SIRT3: variants seen among roughly 807,000 people sequenced by gnomAD.
SIRT3 encodes sirtuin 3.
SIRT3 carries 26 observed loss-of-function variants against 33.5 expected under a neutral mutation model. That is an observed-to-expected ratio of 0.78 (90% CI 0.57 to 1.08). The LOEUF is 1.08. Among genes scored for constraint, SIRT3 ranks in the 50% least tolerant of loss-of-function variants. The pLI is 0.00. For synonymous variants in SIRT3, 237 were observed against 222.1 expected (o/e 1.07, Z -0.60); for missense variants, 585 against 530.1 (o/e 1.10, Z -1.02).
intron 1 of SIRT3, 32 bp from the exon 2 acceptor site, chr11:233,566 CAGAT>C (rs758165244): frequency 5.3e-4 from 857 of 1,607,520 alleles, no homozygotes; most frequent in Non-Finnish European, 6.7e-4. Flanking sequence ...GCAAAGGAAA[CAGAT>C]AGCAACCAAT....
In SIRT3 at chr11:218,860, C is replaced by G; in HGVS notation, c.1151G>C (p.Arg384Pro). Reference sequence around the variant, plus strand: ...CCCAGTTTCCCGCTGCACAAGGTCCCGCATCTCTTCTGTCCAGCCCAGAAG... The same window carrying G: ...CCCAGTTTCCCGCTGCACAAGGTCCGGCATCTCTTCTGTCCAGCCCAGAAG... ...VELLGWTEEMRDLVQRETGKL... is the reference protein window; with the variant it reads ...VELLGWTEEMPDLVQRETGKL... The change falls in exon 6 of 7, where the codon CGG (arginine) becomes CCG (proline). Residue 384 changes from arginine (R) to proline (P), a missense_variant. Coordinates refer to ENST00000382743, the MANE Select transcript of SIRT3 (RefSeq NM_012239.6). The G allele has an allele frequency of 6.2e-7, 1 of 1,614,180 alleles. No homozygotes were observed. The highest frequency in any genetic ancestry group is 1.1e-5 in the South Asian group (1 of 91,080).
At chr11:224,673 C>T (rs530274197) in intron 4 of SIRT3, among the ~76,000 whole-genome samples, 61 of 152,268 alleles carry the variant, frequency 4.0e-4, no homozygotes, top group Non-Finnish European at 7.2e-4. Flanking sequence ...CTGGTTTGAG[C>T]TTCGGTGATC....
intron 3 of SIRT3, 135 bp downstream of exon 3, chr11:232,848 T>C (rs1339384662): frequency 1.3e-6 from 1 of 748,400 alleles, no homozygotes; most frequent in Non-Finnish European, 2.2e-6. Flanking sequence ...GCATAAGCGA[T>C]AGGTTTTGGC....
chr11:216,631 G>A lies in SIRT3; in HGVS notation c.*67C>T. 2 of 1,579,324 alleles carry A rather than the reference G, an allele frequency of 1.3e-6. No homozygotes were observed. The highest frequency in any genetic ancestry group is 1.7e-6 in the Non-Finnish European group (2 of 1,148,944). ...TGCCCAAGCTGTCTTCAGGCATGAGGTCTTGTCAGAATTGGGATGTGGATG... is the reference window on the plus strand; with the variant it reads ...TGCCCAAGCTGTCTTCAGGCATGAGATCTTGTCAGAATTGGGATGTGGATG... On this transcript the variant is annotated 3_prime_UTR_variant, in exon 7 of 7. Transcript: ENST00000382743.
At chr11:235,663 G>A (rs1018699290) in intron 1 of SIRT3, among the ~76,000 whole-genome samples, 1 of 152,188 alleles carries the variant, frequency 6.6e-6, no homozygotes, top group African/African-American at 2.4e-5. Context: ...CAATTACTAT[G>A]GAGACGGGTA....
Position 233,179 on chromosome 11 carries a change from C to A in SIRT3, c.510G>T (p.Gln170His). 6.2e-7 allele frequency: 1 copy of A among 1,614,090 alleles called. No individual in the cohort carries two copies. Among genetic ancestry groups the A allele is most frequent in the Non-Finnish European group, 8.5e-7 (1 of 1,180,006 alleles). ...TGGCCTCGGGGTACGGGAGATCGTA[C>A]TGCTGGAGGTTGCTGTACAGGCCAC... is the stretch of plus-strand genomic sequence containing the variant. ...PGSGLYSNLQQYDLPYPEAIF... is the reference protein window; with the variant it reads ...PGSGLYSNLQHYDLPYPEAIF... The change falls in exon 3 of 7, where the codon CAG becomes CAT. Residue 170 changes from glutamine to histidine, a missense_variant. Transcript: ENST00000382743.
In SIRT3 at chr11:233,711, G is replaced by C. The variant is rs148849482; in HGVS notation, c.282-177C>G. On this transcript the variant is annotated intron_variant, in intron 1 of 6. Coordinates refer to ENST00000382743, the MANE Select transcript of SIRT3 (RefSeq NM_012239.6). Reference sequence around the variant, plus strand: ...GACGACTATTGGGGTACAACAAAAAGCAGTCATAAATCAGAAATCAAGACT... The same window carrying C: ...GACGACTATTGGGGTACAACAAAAACCAGTCATAAATCAGAAATCAAGACT... 6.5e-5 allele frequency: 41 copies of C among 626,708 alleles called. No homozygotes were observed. In the South Asian group the frequency reaches 9.0e-4, roughly 14 times the overall value. 38.8% of individuals were successfully genotyped at this position (626,708 alleles called of 1,614,324 possible). A position where few individuals can be genotyped will look rare whatever the true frequency, so the allele number is the denominator to read the frequency against.
chr11:235,283 G>C (rs886402543), intron 1 of SIRT3, among the ~76,000 whole-genome samples: 14 of 152,092 alleles, frequency 9.2e-5, no homozygotes, highest in Admixed American at 3.3e-4. Flanking sequence ...ATAGCTCACT[G>C]CAGCCTTGAA....
chr11:228,734 A>G (rs1364510637), intron 4 of SIRT3, among the ~76,000 whole-genome samples: 1 of 152,210 alleles, frequency 6.6e-6, no homozygotes, highest in Non-Finnish European at 1.5e-5. Flanking sequence ...TAAATAGACA[A>G]ACTAGATTTC....
At chr11:230,419 T>C in intron 4 of SIRT3, 33 bp downstream of exon 4, 2 of 1,327,076 alleles carry the variant, frequency 1.5e-6, no homozygotes, top group Non-Finnish European at 1.0e-6. Context: ...AACAGCAAAC[T>C]GCAGAAGGAC....
chr11:224,280 A>G (rs1856858700), intron 4 of SIRT3, 41 bp from the exon 5 acceptor site: 2 of 1,591,894 alleles, frequency 1.3e-6, no homozygotes, highest in Non-Finnish European at 8.6e-7. Flanking sequence ...GATGCCTGCA[A>G]CACCCTGTAA....
At chr11:229,751 T>G (rs1857659543) in intron 4 of SIRT3, among the ~76,000 whole-genome samples, 1 of 152,074 alleles carries the variant, frequency 6.6e-6, no homozygotes, top group Non-Finnish European at 1.5e-5. Flanking sequence ...AGTGTAAGAC[T>G]GTGTCTCAAA....
Position 218,977 on chromosome 11 carries a change from CG to C in SIRT3, c.1033del (p.Arg345GlyfsTer29). 6.2e-7 allele frequency: 1 copy of C among 1,614,164 alleles called. No homozygotes were observed. The highest frequency in any genetic ancestry group is 8.5e-7 in the Non-Finnish European group (1 of 1,180,034). On this transcript the variant is annotated frameshift_variant, in exon 6 of 7. Coordinates refer to ENST00000382743, the MANE Select transcript of SIRT3 (RefSeq NM_012239.6). LOFTEE classifies it high-confidence loss of function. Reference sequence around the variant, plus strand: ...CCAAGCCAAGGGCCCCACCAAGTCCCGGTTGATGAGCAGTCGGGGAACTGAG... The same window carrying C: ...CCAAGCCAAGGGCCCCACCAAGTCCCGTTGATGAGCAGTCGGGGAACTGAG... ...RSSVPRLLIN[R>X]DLVGPLAWHP...
chr11:230,921 C>A (rs1009214119), intron 3 of SIRT3, among the ~76,000 whole-genome samples: 32 of 152,070 alleles, frequency 2.1e-4, no homozygotes, highest in African/African-American at 7.5e-4. Context: ...GCTAGGAGTT[C>A]AAGACCGGCC....
intron 1 of SIRT3, among the ~76,000 whole-genome samples, chr11:234,354 C>G (rs1487750067): frequency 6.6e-6 from 1 of 152,250 alleles, no homozygotes; most frequent in Non-Finnish European, 1.5e-5. Context: ...TGGACTACTC[C>G]TCACACGCAG....
upstream of SIRT3, chr11:236,797 C>T (rs1346207327): frequency 7.2e-6 from 4 of 553,736 alleles, no homozygotes; most frequent in Non-Finnish European, 1.3e-5. Flanking sequence ...CGACCACAGG[C>T]GCCCACACTC....
chr11:219,089 T>C (rs511744), intron 5 of SIRT3, 48 bp from the exon 6 acceptor site: 1,092,960 of 1,550,270 alleles, frequency 0.71, 387,064 homozygotes, highest in African/African-American at 0.76. Flanking sequence ...CTTTACAAGC[T>C]CCTCAGGATG....
In SIRT3 at chr11:236,126, T is replaced by C. The variant is rs1859045073; in HGVS notation, c.203A>G (p.Gln68Arg). Residue 68 changes from glutamine to arginine, a missense_variant, in exon 1 of 7, where the codon CAG (glutamine) becomes CGG (arginine). By Grantham distance (43) the Gln-to-Arg change is conservative (BLOSUM62 1). Coordinates refer to ENST00000382743, the MANE Select transcript of SIRT3 (RefSeq NM_012239.6). Reference sequence around the variant, plus strand: ...GGGCACCTCGGGTCTGGGAGGCCTCTGCAAGGGGCGCGCCGGGTCCAAGGG... The same window carrying C: ...GGGCACCTCGGGTCTGGGAGGCCTCCGCAAGGGGCGCGCCGGGTCCAAGGG... ...GEPLDPARPL[Q>R]RPPRPEVPRA... 1 of 1,579,028 alleles carries C rather than the reference T, an allele frequency of 6.3e-7. No homozygotes were observed. The highest frequency in any genetic ancestry group is 1.8e-5 in the Admixed American group (1 of 55,324).
At position 230,486 on chromosome 11, in the gene SIRT3, A is replaced by AC. The variant is rs1292854604; in HGVS notation, c.772dup (p.Val258GlyfsTer14). On this transcript the variant is annotated frameshift_variant, in exon 4 of 7. Transcript: ENST00000382743. LOFTEE classifies it high-confidence loss of function. ...CTCCCCTGGGAAGGGTCTTTGGCAG[A>AC]CTGTGCAGGTGGCAGAGGCAAAGGT... 2.0e-6 allele frequency: 3 copies of AC among 1,532,630 alleles called. No individual in the cohort carries two copies. Among genetic ancestry groups the AC allele is most frequent in the South Asian group, 2.5e-5 (2 of 80,166 alleles). The allele number at this position is 1,532,630 out of a possible 1,614,324, so 94.9% of individuals were successfully genotyped here. A position where few individuals can be genotyped will look rare whatever the true frequency, so the allele number is the denominator to read the frequency against.
Sources: gnomAD v4.1 joint callset for allele counts (sites outside exome capture counted in the v4.1 genomes callset) on GRCh38, gnomAD v4.1.1 for gene constraint, MANE v1.5 for transcripts, NCBI Gene and HGNC (gene_info 2026-07-23, HGNC 2026-07-21) for gene names.